The following ABCB11 variants were observed in gnomAD, a reference collection of about 807,000 sequenced individuals.
ABCB11 encodes ATP binding cassette subfamily B member 11.
In ABCB11, 95 loss-of-function variants were observed where a neutral mutation model predicts 148.0. The observed-to-expected ratio is 0.64, with a 90% CI of 0.54 to 0.76. The LOEUF is 0.76. ABCB11 is among the 30% of genes least tolerant of loss of function. The probability of loss-of-function intolerance (pLI) is 0.00; values close to 1 mark genes in which losing one functional copy is unlikely to be tolerated. For missense variants in ABCB11, 1,523 were observed against 1,617.8 expected (o/e 0.94, Z 1.01); for synonymous variants, 591 against 555.4 (o/e 1.06, Z -0.90).
chr2:169,005,045 G>A (rs1694979524), intron 5 of ABCB11, among the ~76,000 whole-genome samples: 2 of 152,118 alleles, frequency 1.3e-5, no homozygotes. Flanking sequence ...CCTGCACCTG[G>A]TGGAGGCAGC....
In ABCB11 at chr2:168,925,106, C is replaced by G. The variant is rs151248937; in HGVS notation, c.3619-303G>C. ...CACATAAGAGCCCATATATGAGATC[C>G]TCCTTGATTTGAGACTCTCTGATTC... On this transcript the variant is annotated intron_variant, in intron 26 of 27. Coordinates refer to ENST00000650372, the MANE Select transcript of ABCB11 (RefSeq NM_003742.4). Among the ~76,000 whole-genome samples the G allele has an allele frequency of 4.1e-3, 627 of 152,244 alleles. 7 individuals carry two copies. Among genetic ancestry groups the G allele is most frequent in the African/African-American group, 0.014 (584 of 41,528 alleles).
chr2:169,010,533 G>A (rs1182048874), intron 5 of ABCB11, among the ~76,000 whole-genome samples: 1 of 152,094 alleles, frequency 6.6e-6, no homozygotes, highest in African/African-American at 2.4e-5. Flanking sequence ...AAAATTATTG[G>A]GTTGTCTTGT....
intron 11 of ABCB11, among the ~76,000 whole-genome samples, chr2:168,977,132 A>G (rs1455814583): frequency 1.3e-5 from 2 of 148,642 alleles, no homozygotes; most frequent in Non-Finnish European, 1.5e-5. Context: ...TTGTATTAAT[A>G]TTATAAATGT....
chr2:168,946,053 G>A (rs1206709669), intron 19 of ABCB11, among the ~76,000 whole-genome samples: 4 of 151,816 alleles, frequency 2.6e-5, no homozygotes, highest in Non-Finnish European at 4.4e-5. Flanking sequence ...AAGTAACTGA[G>A]GATCTTGTTA....
At chr2:169,011,832 T>A (rs1171096282) in intron 5 of ABCB11, among the ~76,000 whole-genome samples, 1 of 152,104 alleles carries the variant, frequency 6.6e-6, no homozygotes, top group African/African-American at 2.4e-5. Context: ...AAGCTATTTT[T>A]TAAAAAAATT....
intron 15 of ABCB11, 88 bp downstream of exon 15, chr2:168,969,957 C>T: frequency 1.8e-6 from 1 of 549,224 alleles, no homozygotes. Context: ...CTACTCCCAT[C>T]CCTCCCACCC....
chr2:168,963,528 T>C (rs951632017), intron 18 of ABCB11, among the ~76,000 whole-genome samples: 13 of 151,878 alleles, frequency 8.6e-5, no homozygotes, highest in African/African-American at 2.9e-4. Context: ...TTAGACAATG[T>C]CTACAACAGC....
At chr2:168,983,606 G>A (rs544189630) in intron 10 of ABCB11, among the ~76,000 whole-genome samples, 16 of 152,244 alleles carry the variant, frequency 1.1e-4, no homozygotes, top group African/African-American at 3.9e-4. Flanking sequence ...GTTGTTCTTT[G>A]TGTATTATCA....
At chr2:168,953,355 AT>A (rs1402311448) in intron 19 of ABCB11, among the ~76,000 whole-genome samples, 3 of 150,834 alleles carry the variant, frequency 2.0e-5, no homozygotes, top group Non-Finnish European at 4.4e-5. Context: ...TTTTGCTTAT[AT>A]TTGTTTTGTG....
chr2:168,923,303 C>T lies in ABCB11; in HGVS notation c.*319G>A. On this transcript the variant is annotated 3_prime_UTR_variant, in exon 28 of 28. Transcript: ENST00000650372. ...TTACTCCCTGATGTCTCACTAATTC[C>T]CACATATTAATCAGGACTGGCTCCT... 2.6e-6 allele frequency: 1 copy of T among 388,480 alleles called. No homozygotes were observed. Among genetic ancestry groups the T allele is most frequent in the East Asian group, 4.7e-5 (1 of 21,202 alleles). The allele number at this position is 388,480 out of a possible 1,614,324, so 24.1% of individuals were successfully genotyped here.
At chr2:168,935,571 C>A in intron 22 of ABCB11, 146 bp from the exon 23 acceptor site, 2 of 1,147,586 alleles carry the variant, frequency 1.7e-6, no homozygotes, top group Non-Finnish European at 2.4e-6. Flanking sequence ...AAAGACGTGG[C>A]TGGAGATCAA....
Position 168,944,673 on chromosome 2 carries a change from C to A in ABCB11, c.2542G>T (p.Asp848Tyr). 1 of 1,612,836 alleles carries A rather than the reference C, an allele frequency of 6.2e-7. No individual in the cohort carries two copies. The change falls in exon 21 of 28, where the codon GAT (aspartate) becomes TAT (tyrosine). Residue 848 changes from aspartate to tyrosine, a missense_variant. Asp to Tyr is a radical substitution (Grantham distance 160, BLOSUM62 -3). Coordinates refer to ENST00000650372, the MANE Select transcript of ABCB11 (RefSeq NM_003742.4). ...AMLGQDIAWF[D>Y]DLRNSPGALT... The stretch of plus-strand genomic sequence containing the variant: ...GCTCCAGGGCTATTTCTGAGGTCAT[C>A]AAACCAGGCAATATCTTGCCCCAGC...
chr2:169,000,371 C>T (rs758220161), intron 5 of ABCB11, among the ~76,000 whole-genome samples: 1 of 152,048 alleles, frequency 6.6e-6, no homozygotes, highest in Non-Finnish European at 1.5e-5. Flanking sequence ...CATGCTCTGT[C>T]CAGCCCTAGA....
At chr2:168,930,408 C>T (rs1574398225) in intron 25 of ABCB11, among the ~76,000 whole-genome samples, 1 of 152,226 alleles carries the variant, frequency 6.6e-6, no homozygotes, top group African/African-American at 2.4e-5. Context: ...CACTCATCTC[C>T]AGCTTTGCAG....
Position 168,923,257 on chromosome 2 carries a change from T to C in ABCB11, c.*365A>G, listed in dbSNP as rs1165410027. ...AAAAATGAAAGACAGTTCTCTGCCC[T>C]TGAGGAGTTCAAAGTGTCACTTACT... On this transcript the variant is annotated 3_prime_UTR_variant, in exon 28 of 28. Coordinates refer to ENST00000650372, the MANE Select transcript of ABCB11 (RefSeq NM_003742.4). 3 of 297,952 alleles carry C rather than the reference T, an allele frequency of 1.0e-5. No homozygotes were observed. Among genetic ancestry groups the C allele is most frequent in the Non-Finnish European group, 1.9e-5 (3 of 159,270 alleles). The allele number at this position is 297,952 out of a possible 1,614,324, so 18.5% of individuals were successfully genotyped here.
chr2:168,972,189 G>T, intron 13 of ABCB11, 139 bp from the exon 14 acceptor site: 1 of 712,816 alleles, frequency 1.4e-6, no homozygotes, highest in Non-Finnish European at 2.3e-6. Flanking sequence ...CTTGAAATGT[G>T]GTTCTTTATA....
At chr2:168,955,470 C>CT (rs941416403) in intron 19 of ABCB11, among the ~76,000 whole-genome samples, 1 of 151,540 alleles carries the variant, frequency 6.6e-6, no homozygotes, top group African/African-American at 2.4e-5. Flanking sequence ...GCGCTACACA[C>CT]TTTTATCAGA....
At chr2:168,933,119 A>AG (rs944150744) in intron 23 of ABCB11, among the ~76,000 whole-genome samples, 3 of 151,822 alleles carry the variant, frequency 2.0e-5, no homozygotes, top group African/African-American at 4.8e-5. Context: ...AAAAAAAAAA[A>AG]AAAAGAAAAG....
intron 21 of ABCB11, 23 bp from the exon 22 acceptor site, chr2:168,936,456 C>T (rs759830895): frequency 1.2e-6 from 2 of 1,612,208 alleles, no homozygotes; most frequent in South Asian, 2.2e-5. Context: ...AAGCAATCAA[C>T]CCGTCTCAGA....
Sources: allele counts gnomAD v4.1 joint callset (sites outside exome capture counted in the v4.1 genomes callset), GRCh38; gene constraint gnomAD v4.1.1; transcripts MANE v1.5; gene names NCBI Gene and HGNC (gene_info 2026-07-23, HGNC 2026-07-21).